ADGRL2: variants seen among roughly 807,000 people sequenced by gnomAD.
The protein encoded by ADGRL2 is adhesion G protein-coupled receptor L2.
A neutral mutation model predicts 157.4 loss-of-function variants in ADGRL2; 44 were observed. The ratio of observed to expected loss-of-function variants is 0.28; its 90% CI spans 0.22 to 0.36. The LOEUF (loss-of-function observed/expected upper bound fraction) is 0.36, where lower values mean the gene tolerates loss of function less well. Ranked by LOEUF, ADGRL2 falls within the 10% of genes least tolerant of loss-of-function variation. ADGRL2 has a pLI of 1.00. For missense variants in ADGRL2, 1,510 were observed against 1,768.9 expected (o/e 0.85, Z 2.63); for synonymous variants, 585 against 624.7 (o/e 0.94, Z 0.95).
Position 81,981,760 on chromosome 1 carries a change from G to GT in ADGRL2, c.3114-42dup, listed in dbSNP as rs771805348. On this transcript the variant is annotated intron_variant, in intron 18 of 23. Coordinates refer to ENST00000686636, the MANE Select transcript of ADGRL2 (RefSeq NM_001366006.2). ...ATGTTAACATTTAAGCGTGATGTGTGTTTTTTGCTCATTGAACCTGTTAAA... is the reference window on the plus strand; with the variant it reads ...ATGTTAACATTTAAGCGTGATGTGTGTTTTTTTGCTCATTGAACCTGTTAAA... 94 of 1,490,444 alleles carry GT rather than the reference G, an allele frequency of 6.3e-5. No homozygotes were observed. In the Admixed American group the frequency reaches 1.8e-3, roughly 28 times the overall value. The allele number at this position is 1,490,444 out of a possible 1,614,324, so 92.3% of individuals were successfully genotyped here. A position where few individuals can be genotyped will look rare whatever the true frequency, so the allele number is the denominator to read the frequency against.
chr1:81,580,673 ATTTCCTTCTGT>A (rs2080889680), intron 2 of ADGRL2, among the ~76,000 whole-genome samples: 1 of 152,132 alleles, frequency 6.6e-6, no homozygotes, highest in African/African-American at 2.4e-5. Flanking sequence ...AGCATTGTTG[ATTTCCTTCTGT>A]TGTTTGTCAG....
chr1:81,819,621 G>A (rs1322161965), intron 1 of ADGRL2, among the ~76,000 whole-genome samples: 3 of 151,818 alleles, frequency 2.0e-5, no homozygotes, highest in Non-Finnish European at 4.4e-5. Context: ...TTTATTATGC[G>A]ATATTCAGGC....
At chr1:81,695,617 A>C (rs770910854), upstream of ADGRL2, among the ~76,000 whole-genome samples, 11 of 151,956 alleles carry the variant, frequency 7.2e-5, no homozygotes, top group Non-Finnish European at 1.3e-4. Flanking sequence ...GTCAGGTGTT[A>C]AGAGACCAGC....
At chr1:81,895,393 C>CT (rs34557038) in intron 2 of ADGRL2, among the ~76,000 whole-genome samples, 8,744 of 97,594 alleles carry the variant, frequency 0.09, 614 homozygotes, top group South Asian at 0.15. Context: ...TTAAATGTAT[C>CT]TTTTTTTTTT....
At chr1:81,514,326 C>A (rs2079134278) in intron 2 of ADGRL2, among the ~76,000 whole-genome samples, 1 of 152,066 alleles carries the variant, frequency 6.6e-6, no homozygotes. Context: ...CAGAAAGAAA[C>A]CTCTAGGCTC....
At chr1:81,610,706 G>T (rs915814128) in intron 3 of ADGRL2, among the ~76,000 whole-genome samples, 1 of 152,050 alleles carries the variant, frequency 6.6e-6, no homozygotes, top group Non-Finnish European at 1.5e-5. Flanking sequence ...AAGAGATTAT[G>T]GTGGTCTAAT....
chr1:81,976,376 CTAAG>C (rs1660190127), intron 17 of ADGRL2, among the ~76,000 whole-genome samples: 2 of 151,870 alleles, frequency 1.3e-5, no homozygotes, highest in African/African-American at 2.4e-5. Flanking sequence ...GTTTCAGAGG[CTAAG>C]TTAGTGTTGG....
intron 1 of ADGRL2, among the ~76,000 whole-genome samples, chr1:81,830,540 C>T (rs1340447239): frequency 6.6e-6 from 1 of 152,148 alleles, no homozygotes; most frequent in Non-Finnish European, 1.5e-5. Flanking sequence ...TGGAGTCTCG[C>T]TCTGTCTCCT....
At position 81,552,226 on chromosome 1, in the gene ADGRL2, T is replaced by C. The variant is rs2080163958; in HGVS notation, c.-247-28650T>C. On this transcript the variant is annotated intron_variant, in intron 2 of 24. Transcript: ENST00000370721. ...TTGAGAGTCTCAGCCTTTTTCTTCCTGCCAAGTTACTTTTTTATTAGGTAG... is the reference window on the plus strand; with the variant it reads ...TTGAGAGTCTCAGCCTTTTTCTTCCCGCCAAGTTACTTTTTTATTAGGTAG... Among the ~76,000 whole-genome samples the C allele has an allele frequency of 2.0e-5, 3 of 152,292 alleles. No individual in the cohort carries two copies. The South Asian group carries it at 6.2e-4, about 32-fold the overall frequency.
At chr1:81,367,154 A>T (rs1043397319) in intron 1 of ADGRL2, among the ~76,000 whole-genome samples, 2 of 152,176 alleles carry the variant, frequency 1.3e-5, no homozygotes, top group African/African-American at 2.4e-5. Context: ...CAGTGTCACC[A>T]GTTTCTATGT....
intron 1 of ADGRL2, among the ~76,000 whole-genome samples, chr1:81,705,200 C>T (rs774003002): frequency 3.3e-5 from 5 of 151,984 alleles, no homozygotes; most frequent in African/African-American, 4.8e-5. Context: ...TACAGGCATC[C>T]GCCACCATGC....
intron 2 of ADGRL2, among the ~76,000 whole-genome samples, chr1:81,463,009 G>A (rs1177209602): frequency 6.7e-6 from 1 of 150,082 alleles, no homozygotes; most frequent in Non-Finnish European, 1.5e-5. Context: ...CAGGTACTCA[G>A]AAGGCTGAGG....
chr1:81,448,235 C>T (rs767659732), intron 2 of ADGRL2, among the ~76,000 whole-genome samples: 6 of 147,756 alleles, frequency 4.1e-5, no homozygotes, highest in Non-Finnish European at 7.4e-5. Context: ...ATCTCTGCCT[C>T]CCAGGTTCAA....
chr1:81,789,301 T>C (rs2087214262), intron 2 of ADGRL2, among the ~76,000 whole-genome samples: 2 of 152,230 alleles, frequency 1.3e-5, no homozygotes. Context: ...AGTTCTATGA[T>C]AATCAATGTT....
At chr1:81,851,171 G>A (rs1028517215) in intron 2 of ADGRL2, among the ~76,000 whole-genome samples, 5 of 151,842 alleles carry the variant, frequency 3.3e-5, no homozygotes, top group African/African-American at 1.2e-4. Context: ...AATAATTATA[G>A]CAAGCCCTAG....
At chr1:81,582,297 ATTC>A (rs1321392950) in intron 3 of ADGRL2, among the ~76,000 whole-genome samples, 6 of 152,086 alleles carry the variant, frequency 3.9e-5, no homozygotes, top group Non-Finnish European at 8.8e-5. Context: ...GCAGTAAATT[ATTC>A]TTTGGTGTTT....
intron 2 of ADGRL2, among the ~76,000 whole-genome samples, chr1:81,862,052 T>C (rs1336833064): frequency 1.3e-5 from 2 of 152,170 alleles, no homozygotes; most frequent in Non-Finnish European, 2.9e-5. Context: ...ATAAAAGAAA[T>C]ATTACGTTTA....
At chr1:81,768,898 C>G (rs1282863411) in intron 2 of ADGRL2, among the ~76,000 whole-genome samples, 1 of 151,996 alleles carries the variant, frequency 6.6e-6, no homozygotes, top group Non-Finnish European at 1.5e-5. Flanking sequence ...CTGGCCAACA[C>G]GGTGAAACCC....
At position 81,412,186 on chromosome 1, in the gene ADGRL2, C is replaced by T. The variant is rs567872548; in HGVS notation, c.-301-32850C>T. 2.6e-5 allele frequency among the ~76,000 whole-genome samples: 4 copies of T among 152,252 alleles called. No individual in the cohort carries two copies. In the East Asian group the frequency reaches 7.7e-4, roughly 29 times the overall value. ...AGTTGAGTAATTTCCCTTAGGTTAA[C>T]AGGTAGACAGAATAAGAGCCAGGAT... On this transcript the variant is annotated intron_variant, in intron 1 of 24. Transcript: ENST00000370721.
Sources: gnomAD v4.1 joint callset for allele counts (sites outside exome capture counted in the v4.1 genomes callset) on GRCh38, gnomAD v4.1.1 for gene constraint, MANE v1.5 for transcripts, NCBI Gene and HGNC (gene_info 2026-07-23, HGNC 2026-07-21) for gene names.